ODAD2: variants seen among roughly 807,000 people sequenced by gnomAD.
ODAD2 encodes the protein outer dynein arm-docking complex subunit 2.
ODAD2 carries 89 observed loss-of-function variants against 106.8 expected under a neutral mutation model. That is an observed-to-expected ratio of 0.83 (90% CI 0.70 to 0.99). ODAD2 has a LOEUF of 0.99. Among genes scored for constraint, ODAD2 ranks in the 50% least tolerant of loss-of-function variants. The pLI is 0.00. For missense variants in ODAD2, 1,168 were observed against 1,238.5 expected (o/e 0.94, Z 0.85); for synonymous variants, 404 against 436.2 (o/e 0.93, Z 0.92).
intron 17 of ODAD2, among the ~76,000 whole-genome samples, chr10:27,884,389 T>C (rs1386317515): frequency 6.6e-6 from 1 of 152,144 alleles, no homozygotes; most frequent in Non-Finnish European, 1.5e-5. Context: ...AAACCCACAC[T>C]TGAAACATAA....
chr10:27,958,429 G>A (rs1021152551), intron 10 of ODAD2, among the ~76,000 whole-genome samples: 1 of 152,114 alleles, frequency 6.6e-6, no homozygotes, highest in African/African-American at 2.4e-5. Flanking sequence ...CTCTCACTCC[G>A]TGCCTGCCCC....
At chr10:27,990,349 T>A (rs1850148394) in intron 2 of ODAD2, among the ~76,000 whole-genome samples, 1 of 152,222 alleles carries the variant, frequency 6.6e-6, no homozygotes, top group Non-Finnish European at 1.5e-5. Flanking sequence ...TTATTTATTA[T>A]TTATTTTTTA....
intron 19 of ODAD2, among the ~76,000 whole-genome samples, chr10:27,816,601 G>A (rs964566607): frequency 2.6e-5 from 4 of 152,132 alleles, no homozygotes; most frequent in African/African-American, 9.7e-5. Context: ...TGGGACCAAA[G>A]CATAGGAAAA....
chr10:27,952,237 T>C (rs944962254), intron 10 of ODAD2, among the ~76,000 whole-genome samples: 1 of 151,864 alleles, frequency 6.6e-6, no homozygotes, highest in Non-Finnish European at 1.5e-5. Flanking sequence ...ATAAAAAAAT[T>C]GTCAACCTCA....
rs1835809490 is a variant in ODAD2, at chr10:27,812,412, G to A, written c.*100C>T. 3.7e-6 allele frequency: 4 copies of A among 1,069,198 alleles called. No individual in the cohort carries two copies. Among genetic ancestry groups the A allele is most frequent in the Non-Finnish European group, 5.4e-6 (4 of 735,848 alleles). 66.2% of individuals were successfully genotyped at this position (1,069,198 alleles called of 1,614,324 possible). On this transcript the variant is annotated 3_prime_UTR_variant, in exon 20 of 20. Transcript: ENST00000305242. Reference sequence around the variant, plus strand: ...GTGTTTTCATTTAGATGGTTGAAAGGGTTTGCTAACAACTGTTTCCCAATT... The same window carrying A: ...GTGTTTTCATTTAGATGGTTGAAAGAGTTTGCTAACAACTGTTTCCCAATT...
At chr10:27,863,423 C>T (rs561843787) in intron 17 of ODAD2, among the ~76,000 whole-genome samples, 4 of 152,264 alleles carry the variant, frequency 2.6e-5, no homozygotes, top group South Asian at 4.1e-4. Flanking sequence ...CAGCTGAGAA[C>T]GTGTGCATTG....
intron 19 of ODAD2, among the ~76,000 whole-genome samples, chr10:27,845,507 C>T (rs1838667943): frequency 1.3e-5 from 2 of 152,164 alleles, no homozygotes; most frequent in South Asian, 4.1e-4. Context: ...GAAGAAACTG[C>T]ATCAACTAAC....
At chr10:27,861,681 A>G (rs1840053370) in intron 18 of ODAD2, among the ~76,000 whole-genome samples, 1 of 152,140 alleles carries the variant, frequency 6.6e-6, no homozygotes, top group Non-Finnish European at 1.5e-5. Flanking sequence ...TCCTTTCTGT[A>G]TTTTTTGATG....
intron 1 of ODAD2, among the ~76,000 whole-genome samples, chr10:27,996,012 T>G (rs1469320106): frequency 6.6e-6 from 1 of 152,168 alleles, no homozygotes; most frequent in African/African-American, 2.4e-5. Context: ...TGAGACAAAT[T>G]TCACATTGGC....
chr10:27,833,486 A>G (rs1007776190), intron 19 of ODAD2, among the ~76,000 whole-genome samples: 47 of 152,242 alleles, frequency 3.1e-4, no homozygotes. Flanking sequence ...TTCTTTAAAA[A>G]TTAAAATAAA....
At chr10:27,956,726 C>T (rs1257062440) in intron 10 of ODAD2, among the ~76,000 whole-genome samples, 1 of 152,174 alleles carries the variant, frequency 6.6e-6, no homozygotes, top group Non-Finnish European at 1.5e-5. Context: ...ACCCACTCCA[C>T]CTTCAATCCA....
chr10:27,856,991 A>G (rs1356146305), intron 19 of ODAD2, among the ~76,000 whole-genome samples: 6 of 152,184 alleles, frequency 3.9e-5, no homozygotes, highest in Admixed American at 3.9e-4. Flanking sequence ...TAATAATAAT[A>G]TAAAGTATCT....
At chr10:27,923,996 A>AAGAGAGAGAGAG (rs1564508997) in intron 16 of ODAD2, among the ~76,000 whole-genome samples, 1 of 139,612 alleles carries the variant, frequency 7.2e-6, no homozygotes, top group African/African-American at 2.7e-5. Flanking sequence ...GAAAGAAAGA[A>AAGAGAGAGAGAG]AGAAAGAAAG....
intron 7 of ODAD2, among the ~76,000 whole-genome samples, chr10:27,977,614 A>G (rs1279975238): frequency 6.6e-6 from 1 of 152,066 alleles, no homozygotes; most frequent in African/African-American, 2.4e-5. Context: ...CAAGACCCAG[A>G]TTGGGATGAA....
chr10:27,864,577 A>AGTGGGG (rs1229452092), intron 17 of ODAD2, among the ~76,000 whole-genome samples: 3 of 146,840 alleles, frequency 2.0e-5, no homozygotes, highest in Non-Finnish European at 3.0e-5. Flanking sequence ...GTGAGGTGAG[A>AGTGGGG]ATGGGGAGTG....
At chr10:27,829,366 T>C (rs952825504) in intron 19 of ODAD2, among the ~76,000 whole-genome samples, 15 of 152,206 alleles carry the variant, frequency 9.9e-5, no homozygotes, top group African/African-American at 3.1e-4. Flanking sequence ...GGTCCAGTAA[T>C]TGCTTTTTTC....
intron 16 of ODAD2, among the ~76,000 whole-genome samples, chr10:27,918,053 T>TAAA (rs201305183): frequency 2.0e-5 from 3 of 151,544 alleles, no homozygotes; most frequent in African/African-American, 7.3e-5. Context: ...ATCCTTTTCA[T>TAAA]AAAAAAAACT....
At chr10:27,921,501 G>C (rs1176474270) in intron 16 of ODAD2, among the ~76,000 whole-genome samples, 1 of 150,620 alleles carries the variant, frequency 6.6e-6, no homozygotes, top group Non-Finnish European at 1.5e-5. Context: ...AACTCATGAA[G>C]ATCCATGAAT....
chr10:27,952,605 T>A (rs1167861042), intron 10 of ODAD2, among the ~76,000 whole-genome samples: 1 of 152,140 alleles, frequency 6.6e-6, no homozygotes, highest in Non-Finnish European at 1.5e-5. Flanking sequence ...TGTCCATGTG[T>A]TCTCATTGTA....
Sources: gnomAD v4.1 joint callset for allele counts (sites outside exome capture counted in the v4.1 genomes callset) on GRCh38, gnomAD v4.1.1 for gene constraint, MANE v1.5 for transcripts, NCBI Gene and HGNC (gene_info 2026-07-23, HGNC 2026-07-21) for gene names.